The following SPOCK3 variants were observed in gnomAD, a reference collection of about 807,000 sequenced individuals.
SPOCK3 encodes SPARC (osteonectin), cwcv and kazal like domains proteoglycan 3.
Under a neutral mutation model 56.6 loss-of-function variants are expected in SPOCK3, and 30 were observed. That is an observed-to-expected ratio of 0.53 (90% CI 0.40 to 0.72). The LOEUF (loss-of-function observed/expected upper bound fraction) is 0.72. Among genes scored for constraint, SPOCK3 ranks in the 30% least tolerant of loss-of-function variants. SPOCK3 has a pLI of 0.00. For synonymous variants in SPOCK3, 196 were observed against 183.3 expected, an observed-to-expected ratio of 1.07 and a Z score of -0.56; for missense variants, 527 against 530.0, an observed-to-expected ratio of 0.99 and a Z score of 0.06.
intron 4 of SPOCK3, among the ~76,000 whole-genome samples, chr4:166,937,382 C>T (rs2150008564): frequency 6.7e-6 from 1 of 149,974 alleles, no homozygotes; most frequent in Admixed American, 6.7e-5. Flanking sequence ...CATATATATA[C>T]ACACACACGT....
At chr4:167,100,442 GTCTCTCTC>G (rs1220478574) in intron 2 of SPOCK3, among the ~76,000 whole-genome samples, 1 of 144,412 alleles carries the variant, frequency 6.9e-6, no homozygotes, top group African/African-American at 2.6e-5. Flanking sequence ...CTTTCTCTCT[GTCTCTCTC>G]TCTCTCTCAC....
intron 6 of SPOCK3, among the ~76,000 whole-genome samples, chr4:166,842,108 T>C (rs2126835285): frequency 6.6e-6 from 1 of 152,096 alleles, no homozygotes; most frequent in South Asian, 2.1e-4. Flanking sequence ...GCCTTAGGAG[T>C]GAAGCTGCAG....
intron 4 of SPOCK3, among the ~76,000 whole-genome samples, chr4:166,999,742 A>G (rs543103141): frequency 1.3e-5 from 2 of 152,264 alleles, no homozygotes; most frequent in East Asian, 3.9e-4. Context: ...TTTCTAAATT[A>G]CTGGTCCTTC....
chr4:167,012,450 G>A (rs1278322649), intron 3 of SPOCK3, among the ~76,000 whole-genome samples: 2 of 151,852 alleles, frequency 1.3e-5, no homozygotes, highest in African/African-American at 2.4e-5. Context: ...AATTTCAATT[G>A]TAACTTAAAG....
intron 2 of SPOCK3, among the ~76,000 whole-genome samples, chr4:167,067,406 T>C (rs1325226239): frequency 1.3e-5 from 2 of 151,812 alleles, no homozygotes; most frequent in African/African-American, 4.8e-5. Flanking sequence ...ACACAGAGGA[T>C]AATGCTTTTG....
chr4:166,968,589 T>C (rs911257799), intron 4 of SPOCK3, among the ~76,000 whole-genome samples: 1 of 151,698 alleles, frequency 6.6e-6, no homozygotes, highest in Non-Finnish European at 1.5e-5. Context: ...ATGTTGGGCA[T>C]GCAGGTGCAC....
Position 167,002,927 on chromosome 4 carries a change from T to C in SPOCK3, c.236-2464A>G, listed in dbSNP as rs546746464. ...TAAATAATGTACTGCCTCTGTACTA[T>C]ATGTACATATATGTCATATACTCCT... On this transcript the variant is annotated intron_variant, in intron 3 of 10. Coordinates refer to ENST00000357545, the MANE Select transcript of SPOCK3 (RefSeq NM_001040159.2). Among the ~76,000 whole-genome samples the C allele has an allele frequency of 1.6e-3, 239 of 152,340 alleles. 1 individual carries two copies. The highest frequency in any genetic ancestry group is 2.9e-3 in the Non-Finnish European group (195 of 68,008).
chr4:167,146,902 TAGAGAAGCA>T (rs1401330778), intron 2 of SPOCK3, among the ~76,000 whole-genome samples: 1 of 151,788 alleles, frequency 6.6e-6, no homozygotes, highest in Non-Finnish European at 1.5e-5. Flanking sequence ...TTAAAAGAAC[TAGAGAAGCA>T]AGAGCAAGCA....
intron 6 of SPOCK3, among the ~76,000 whole-genome samples, chr4:166,860,802 C>CATATATATATATATGTATATATATAT (rs1553989682): frequency 9.8e-5 from 10 of 101,938 alleles, no homozygotes; most frequent in South Asian, 3.2e-4. Flanking sequence ...CACACAAATT[C>CATATATATATATATGTATATATATAT]ATATATATAT....
chr4:166,992,692 C>G (rs758677603), intron 4 of SPOCK3, among the ~76,000 whole-genome samples: 81 of 150,426 alleles, frequency 5.4e-4, no homozygotes, highest in Admixed American at 1.3e-3. Context: ...AAGGTCCATC[C>G]AAAATACTTC....
chr4:167,122,337 A>G (rs188292556), intron 2 of SPOCK3, among the ~76,000 whole-genome samples: 2 of 152,132 alleles, frequency 1.3e-5, no homozygotes, highest in African/African-American at 4.8e-5. Context: ...ATCTGTGGAG[A>G]CGGGGTTTTG....
At chr4:166,949,689 G>A (rs944937627) in intron 4 of SPOCK3, among the ~76,000 whole-genome samples, 7 of 152,004 alleles carry the variant, frequency 4.6e-5, no homozygotes, top group South Asian at 2.1e-4. Context: ...CTGTCTGATC[G>A]TTCCTCTGGA....
intron 2 of SPOCK3, among the ~76,000 whole-genome samples, chr4:167,192,720 C>A (rs141750741): frequency 6.9e-6 from 1 of 144,460 alleles, no homozygotes; most frequent in Admixed American, 7.1e-5. Flanking sequence ...TATTTTTTTT[C>A]GACGTAGGTA....
intron 6 of SPOCK3, among the ~76,000 whole-genome samples, chr4:166,815,972 C>T (rs1744341206): frequency 1.3e-5 from 2 of 152,044 alleles, no homozygotes; most frequent in African/African-American, 4.8e-5. Context: ...TTGCAACTCA[C>T]ATTGTTCTTG....
At position 166,733,882 on chromosome 4, in the gene SPOCK3, T is replaced by C. The variant is rs1315034876; in HGVS notation, c.*1039A>G. ...TTAATCTGTTAATTAGGTGTGCTTA[T>C]ATATTGCGTAATATACTATATTGGT... On this transcript the variant is annotated 3_prime_UTR_variant, in exon 11 of 11. Transcript: ENST00000357545. 6.6e-6 allele frequency: 1 copy of C among 152,420 alleles called. No homozygotes were observed. 9.4% of individuals were successfully genotyped at this position (152,420 alleles called of 1,614,324 possible).
intron 2 of SPOCK3, among the ~76,000 whole-genome samples, chr4:167,161,808 C>T (rs1765336104): frequency 1.4e-5 from 2 of 145,416 alleles, no homozygotes; most frequent in Non-Finnish European, 3.0e-5. Context: ...CCAAACACTG[C>T]ATGTTCTCAC....
chr4:166,941,414 C>CT (rs970945155), intron 4 of SPOCK3, among the ~76,000 whole-genome samples: 7 of 152,244 alleles, frequency 4.6e-5, no homozygotes, highest in Admixed American at 4.6e-4. Flanking sequence ...TAACTGTTTC[C>CT]TTTTTTATCA....
intron 6 of SPOCK3, among the ~76,000 whole-genome samples, chr4:166,840,935 C>T (rs530228270): frequency 2.6e-5 from 4 of 151,866 alleles, no homozygotes; most frequent in East Asian, 2.0e-4. Flanking sequence ...CCCGCCACCA[C>T]GCCCGGCTAA....
chr4:166,813,634 G>C (rs1180038665), intron 6 of SPOCK3, among the ~76,000 whole-genome samples: 1 of 151,230 alleles, frequency 6.6e-6, no homozygotes, highest in Non-Finnish European at 1.5e-5. Flanking sequence ...AATATAATTA[G>C]ATATCAATTA....
Sources: allele counts gnomAD v4.1 joint callset (sites outside exome capture counted in the v4.1 genomes callset), GRCh38; gene constraint gnomAD v4.1.1; transcripts MANE v1.5; gene names NCBI Gene and HGNC (gene_info 2026-07-23, HGNC 2026-07-21).